Variants in RSU1 observed in about 807,000 individuals in gnomAD.
RSU1 encodes rsu-1.
A neutral mutation model predicts 31.1 loss-of-function variants in RSU1; 26 were observed. The observed-to-expected ratio is 0.84, with a 90% CI of 0.61 to 1.16. The LOEUF is 1.16. RSU1 is among the 50% of genes most tolerant of loss of function. The probability of loss-of-function intolerance (pLI) is 0.00; values close to 1 mark genes in which losing one functional copy is unlikely to be tolerated. For missense variants in RSU1, 320 were observed against 339.1 expected, an observed-to-expected ratio of 0.94 and a Z score of 0.44; for synonymous variants, 164 against 136.3, an observed-to-expected ratio of 1.20 and a Z score of -1.41.
At chr10:16,605,641 T>A (rs1350334009) in intron 8 of RSU1, among the ~76,000 whole-genome samples, 1 of 152,140 alleles carries the variant, frequency 6.6e-6, no homozygotes, top group Non-Finnish European at 1.5e-5. Context: ...GCTCATCAGG[T>A]GACTACCATC....
intron 7 of RSU1, among the ~76,000 whole-genome samples, chr10:16,724,048 C>G (rs1588494803): frequency 6.6e-6 from 1 of 152,076 alleles, no homozygotes; most frequent in African/African-American, 2.4e-5. Flanking sequence ...TCAAGTGATT[C>G]TCCTGCCTCA....
chr10:16,594,190 T>A (rs529051951), intron 8 of RSU1, among the ~76,000 whole-genome samples: 1 of 152,228 alleles, frequency 6.6e-6, no homozygotes, highest in Admixed American at 6.5e-5. Flanking sequence ...TTAACTCCTT[T>A]TATTGATATA....
chr10:16,636,904 C>T (rs965062297), intron 8 of RSU1, among the ~76,000 whole-genome samples: 1 of 152,200 alleles, frequency 6.6e-6, no homozygotes, highest in Non-Finnish European at 1.5e-5. Context: ...AATACACAGC[C>T]ATCTGTTCAC....
intron 8 of RSU1, among the ~76,000 whole-genome samples, chr10:16,595,626 T>C (rs1186789906): frequency 6.6e-6 from 1 of 152,164 alleles, no homozygotes; most frequent in Non-Finnish European, 1.5e-5. Context: ...GAGGCCTTTT[T>C]GCTTGTGTAA....
At chr10:16,735,829 G>A (rs1213382201) in intron 7 of RSU1, among the ~76,000 whole-genome samples, 1 of 152,096 alleles carries the variant, frequency 6.6e-6, no homozygotes, top group Non-Finnish European at 1.5e-5. Context: ...TCTCCCACTG[G>A]GTCCCTCCCA....
chr10:16,613,007 C>A (rs1189415415), intron 8 of RSU1, among the ~76,000 whole-genome samples: 1 of 152,108 alleles, frequency 6.6e-6, no homozygotes, highest in Non-Finnish European at 1.5e-5. Context: ...ATTAACAATG[C>A]ATTTCTGGGT....
intron 7 of RSU1, among the ~76,000 whole-genome samples, chr10:16,719,127 G>T (rs1836204349): frequency 6.6e-6 from 1 of 152,090 alleles, no homozygotes; most frequent in South Asian, 2.1e-4. Flanking sequence ...CGGCAACACA[G>T]TGACAACCTA....
At chr10:16,772,907 C>T (rs1373714454) in intron 3 of RSU1, among the ~76,000 whole-genome samples, 1 of 152,136 alleles carries the variant, frequency 6.6e-6, no homozygotes, top group Non-Finnish European at 1.5e-5. Flanking sequence ...TCTTCTTTCA[C>T]AATTAAGAAT....
intron 2 of RSU1, among the ~76,000 whole-genome samples, chr10:16,807,091 C>T (rs1838288285): frequency 6.6e-6 from 1 of 152,208 alleles, no homozygotes; most frequent in African/African-American, 2.4e-5. Context: ...CCCAGCCTCA[C>T]TTACAGCTGT....
At chr10:16,789,926 A>G (rs11254188) in intron 2 of RSU1, among the ~76,000 whole-genome samples, 2,288 of 152,348 alleles carry the variant, frequency 0.015, 64 homozygotes, top group African/African-American at 0.053. Context: ...GCACAGTTAA[A>G]TACTACAGTG....
chr10:16,791,972 G>C (rs1048570821), intron 2 of RSU1, among the ~76,000 whole-genome samples: 1 of 152,188 alleles, frequency 6.6e-6, no homozygotes, highest in African/African-American at 2.4e-5. Flanking sequence ...TAGTGTCACA[G>C]AATGGCACTT....
In RSU1 at chr10:16,756,322, G is replaced by C. The variant is rs1837085472; in HGVS notation, c.282-1333C>G. ...GTCTACTACAAAGACGGTACATTTT[G>C]TGTGCATTTTATCACAACCTAAAAA... is the stretch of plus-strand genomic sequence containing the variant. On this transcript the variant is annotated intron_variant, in intron 4 of 8. Coordinates refer to ENST00000345264, the MANE Select transcript of RSU1 (RefSeq NM_012425.4). Among the ~76,000 whole-genome samples, 4 of 152,276 alleles carry C rather than the reference G, an allele frequency of 2.6e-5. No individual in the cohort carries two copies. In the South Asian group the frequency reaches 8.3e-4, roughly 32 times the overall value.
At chr10:16,607,473 G>C (rs924209482) in intron 8 of RSU1, among the ~76,000 whole-genome samples, 11 of 152,180 alleles carry the variant, frequency 7.2e-5, no homozygotes, top group Admixed American at 5.2e-4. Context: ...AATTCAGAAG[G>C]CTTTGGGATT....
intron 8 of RSU1, among the ~76,000 whole-genome samples, chr10:16,669,254 C>G (rs1253104308): frequency 6.6e-6 from 1 of 152,132 alleles, no homozygotes; most frequent in Non-Finnish European, 1.5e-5. Flanking sequence ...AATGCGCTCA[C>G]GATCATGTGA....
At chr10:16,600,156 T>C (rs904959544) in intron 8 of RSU1, among the ~76,000 whole-genome samples, 1 of 152,074 alleles carries the variant, frequency 6.6e-6, no homozygotes, top group Non-Finnish European at 1.5e-5. Flanking sequence ...GTTTCAAAGA[T>C]GAGATGCCTG....
intron 7 of RSU1, among the ~76,000 whole-genome samples, chr10:16,746,366 G>A (rs187924409): frequency 5.9e-5 from 9 of 152,238 alleles, no homozygotes; most frequent in Admixed American, 3.9e-4. Context: ...ACTTTGTTTT[G>A]TTGCATGCCG....
At chr10:16,712,682 T>C (rs991252064) in intron 7 of RSU1, among the ~76,000 whole-genome samples, 3 of 152,136 alleles carry the variant, frequency 2.0e-5, no homozygotes, top group Non-Finnish European at 4.4e-5. Context: ...CTAAGTGTGG[T>C]TGTTGTTGTT....
rs1179821507 is a variant in RSU1 at position 16,780,001 on chromosome 10, A to G, written c.160+2033T>C. 4.6e-5 allele frequency among the ~76,000 whole-genome samples: 7 copies of G among 151,412 alleles called. No individual in the cohort carries two copies. The East Asian group carries it at 1.4e-3, about 29-fold the overall frequency. On this transcript the variant is annotated intron_variant, in intron 3 of 8. Transcript: ENST00000345264. The stretch of plus-strand genomic sequence containing the variant: ...TGTCTCAAATGGAGTGAAGAAAAGG[A>G]AAAAAAAACTGGCAAGGCAGAAATA...
intron 7 of RSU1, among the ~76,000 whole-genome samples, chr10:16,711,937 A>T (rs564218144): frequency 6.6e-6 from 1 of 152,162 alleles, no homozygotes; most frequent in Admixed American, 6.5e-5. Flanking sequence ...TTCTTTGCCA[A>T]ACTTCCCTTT....
Sources: allele counts gnomAD v4.1 joint callset (sites outside exome capture counted in the v4.1 genomes callset), GRCh38; gene constraint gnomAD v4.1.1; transcripts MANE v1.5; gene names NCBI Gene and HGNC (gene_info 2026-07-23, HGNC 2026-07-21).